NALF1: variants seen among roughly 807,000 people sequenced by gnomAD.
NALF1 encodes family with sequence similarity 155 member A.
NALF1 carries 3 observed loss-of-function variants against 48.4 expected under a neutral mutation model. The observed-to-expected ratio is 0.06, with a 90% CI of 0.03 to 0.16. The LOEUF (loss-of-function observed/expected upper bound fraction) is 0.16. NALF1 is among the 10% of genes least tolerant of loss of function. NALF1 has a pLI of 1.00. For missense variants in NALF1, 526 were observed against 571.5 expected (o/e 0.92, Z 0.81); for synonymous variants, 262 against 245.7 (o/e 1.07, Z -0.62).
chr13:107,679,451 G>A (rs1881219628), intron 1 of NALF1, among the ~76,000 whole-genome samples: 1 of 152,022 alleles, frequency 6.6e-6, no homozygotes, highest in Non-Finnish European at 1.5e-5. Flanking sequence ...GTGAGGGAGG[G>A]GTAGTTACAG....
At chr13:107,769,701 A>AAG (rs1555324599) in intron 1 of NALF1, among the ~76,000 whole-genome samples, 6 of 151,508 alleles carry the variant, frequency 4.0e-5, no homozygotes, top group African/African-American at 9.7e-5. Flanking sequence ...AAAAAAAAAA[A>AAG]AAGAAGAAAT....
chr13:107,387,476 C>A (rs185585274), intron 1 of NALF1, among the ~76,000 whole-genome samples: 5 of 152,062 alleles, frequency 3.3e-5, no homozygotes, highest in African/African-American at 7.2e-5. Flanking sequence ...TTGTGGCTGC[C>A]GGTCTACTGC....
intron 1 of NALF1, among the ~76,000 whole-genome samples, chr13:107,267,152 G>C (rs1385432379): frequency 6.6e-6 from 1 of 152,156 alleles, no homozygotes; most frequent in Non-Finnish European, 1.5e-5. Context: ...TGTGCATTTT[G>C]TTTTCCCTCA....
chr13:107,750,264 G>C (rs943005355), intron 1 of NALF1, among the ~76,000 whole-genome samples: 11 of 152,050 alleles, frequency 7.2e-5, no homozygotes, highest in Non-Finnish European at 1.5e-4. Context: ...ACAGGGCATC[G>C]TCCCTGACTC....
At chr13:107,588,766 T>C (rs1010370710) in intron 1 of NALF1, among the ~76,000 whole-genome samples, 3 of 152,114 alleles carry the variant, frequency 2.0e-5, no homozygotes, top group Non-Finnish European at 4.4e-5. Flanking sequence ...AGTGGCATTC[T>C]GCATAGGTAC....
chr13:107,829,768 G>A (rs1391601468), intron 1 of NALF1, among the ~76,000 whole-genome samples: 1 of 152,220 alleles, frequency 6.6e-6, no homozygotes, highest in Non-Finnish European at 1.5e-5. Context: ...AGTGAAGTTG[G>A]CATTTCTATA....
At chr13:107,254,543 C>A (rs79518967) in intron 1 of NALF1, among the ~76,000 whole-genome samples, 6,848 of 152,204 alleles carry the variant, frequency 0.045, 334 homozygotes, top group Non-Finnish European at 0.059. Flanking sequence ...ATTTCTATAG[C>A]CCCTACCACA....
chr13:107,242,642 C>T (rs949088514), intron 1 of NALF1, among the ~76,000 whole-genome samples: 5 of 152,120 alleles, frequency 3.3e-5, no homozygotes, highest in African/African-American at 1.2e-4. Context: ...AAAGTGACAG[C>T]CGTCTGCTCA....
chr13:107,341,835 T>C (rs999684623), intron 1 of NALF1, among the ~76,000 whole-genome samples: 1 of 151,500 alleles, frequency 6.6e-6, no homozygotes, highest in South Asian at 2.1e-4. Context: ...GTATTTCATA[T>C]ATATACATAT....
At chr13:107,454,697 C>A (rs1316085801) in intron 1 of NALF1, among the ~76,000 whole-genome samples, 1 of 152,140 alleles carries the variant, frequency 6.6e-6, no homozygotes, top group Non-Finnish European at 1.5e-5. Context: ...TTTCACACTT[C>A]TCTTGAAAAC....
intron 1 of NALF1, among the ~76,000 whole-genome samples, chr13:107,817,792 C>T (rs1036927611): frequency 1.3e-5 from 2 of 152,146 alleles, no homozygotes; most frequent in Non-Finnish European, 2.9e-5. Context: ...TCCAAAGGGC[C>T]CTCTCTTTGT....
intron 1 of NALF1, among the ~76,000 whole-genome samples, chr13:107,494,477 T>C (rs1875257667): frequency 6.6e-6 from 1 of 152,122 alleles, no homozygotes; most frequent in South Asian, 2.1e-4. Context: ...CGAGTAGATA[T>C]GGCATAGAAC....
chr13:107,599,292 G>A (rs552114490), intron 1 of NALF1, among the ~76,000 whole-genome samples: 2 of 152,122 alleles, frequency 1.3e-5, no homozygotes, highest in African/African-American at 2.4e-5. Flanking sequence ...CGTGGTGGCG[G>A]GCATCTGTAG....
intron 2 of NALF1, among the ~76,000 whole-genome samples, chr13:107,205,965 T>C (rs1011796753): frequency 1.3e-5 from 2 of 151,976 alleles, no homozygotes; most frequent in Non-Finnish European, 2.9e-5. Flanking sequence ...CGATGACGGG[T>C]TGACATCGTA....
At chr13:107,622,007 C>A (rs200788201) in intron 1 of NALF1, among the ~76,000 whole-genome samples, 1 of 136,692 alleles carries the variant, frequency 7.3e-6, no homozygotes, top group Non-Finnish European at 1.6e-5. Context: ...TTTTTTTTTT[C>A]TTTGAAACTG....
intron 1 of NALF1, among the ~76,000 whole-genome samples, chr13:107,848,902 G>A (rs1880242483): frequency 6.6e-6 from 1 of 152,126 alleles, no homozygotes; most frequent in South Asian, 2.1e-4. Flanking sequence ...AAATACACGA[G>A]GCCACATAGG....
intron 1 of NALF1, among the ~76,000 whole-genome samples, chr13:107,763,916 T>G (rs945965283): frequency 1.4e-4 from 22 of 152,148 alleles, no homozygotes; most frequent in African/African-American, 4.8e-4. Context: ...ACCTCTTGTT[T>G]TCTTCCTGTT....
intron 1 of NALF1, among the ~76,000 whole-genome samples, chr13:107,504,204 T>C (rs1377889848): frequency 6.7e-6 from 1 of 149,494 alleles, no homozygotes; most frequent in Non-Finnish European, 1.5e-5. Flanking sequence ...TGAGCTGAGA[T>C]TGCACCATTG....
At chr13:107,463,732 A>C (rs1884955625) in intron 1 of NALF1, among the ~76,000 whole-genome samples, 1 of 152,242 alleles carries the variant, frequency 6.6e-6, no homozygotes, top group South Asian at 2.1e-4. Flanking sequence ...CACAGATTAA[A>C]GAGTATTCAG....
Sources: gnomAD v4.1 joint callset for allele counts (sites outside exome capture counted in the v4.1 genomes callset) on GRCh38, gnomAD v4.1.1 for gene constraint, MANE v1.5 for transcripts, NCBI Gene and HGNC (gene_info 2026-07-23, HGNC 2026-07-21) for gene names.